Variants in NCEH1 observed in about 807,000 individuals in gnomAD.
NCEH1 encodes 2-acetyl MAGE hydrolase.
Under a neutral mutation model 25.4 loss-of-function variants are expected in NCEH1, and 9 were observed. The ratio of observed to expected loss-of-function variants is 0.35; its 90% CI spans 0.21 to 0.62. NCEH1 has a LOEUF of 0.62. Among genes scored for constraint, NCEH1 ranks in the 20% least tolerant of loss-of-function variants. The probability of loss-of-function intolerance (pLI) is 0.72; values close to 1 mark genes in which losing one functional copy is unlikely to be tolerated. For synonymous variants in NCEH1, 200 were observed against 199.8 expected (o/e 1.00, Z -0.01); for missense variants, 412 against 501.1 (o/e 0.82, Z 1.70).
intron 1 of NCEH1, among the ~76,000 whole-genome samples, chr3:172,654,225 C>A (rs965344992): frequency 6.6e-6 from 1 of 152,224 alleles, no homozygotes; most frequent in African/African-American, 2.4e-5. Flanking sequence ...CCAGCTCCCT[C>A]ACTTACCAGC....
chr3:172,688,111 G>A (rs1712800247), intron 1 of NCEH1, among the ~76,000 whole-genome samples: 1 of 151,956 alleles, frequency 6.6e-6, no homozygotes, highest in South Asian at 2.1e-4. Flanking sequence ...GAGGCAGGTG[G>A]ATCACCTGAG....
intron 1 of NCEH1, 63 bp downstream of exon 1, chr3:172,710,784 T>C (rs1177707980): frequency 3.2e-6 from 5 of 1,577,616 alleles, no homozygotes; most frequent in Non-Finnish European, 4.3e-6. Flanking sequence ...GGAGGAATTT[T>C]GTATCCCCTT....
chr3:172,674,565 ACTT>A (rs972482291), intron 1 of NCEH1, among the ~76,000 whole-genome samples: 6 of 129,006 alleles, frequency 4.7e-5, no homozygotes, highest in African/African-American at 2.3e-4. Flanking sequence ...AAATAGTAGA[ACTT>A]CTTTTTAACG....
At chr3:172,690,207 A>G (rs1297615660) in intron 1 of NCEH1, among the ~76,000 whole-genome samples, 1 of 152,084 alleles carries the variant, frequency 6.6e-6, no homozygotes, top group Non-Finnish European at 1.5e-5. Flanking sequence ...CCAGCCAAGC[A>G]TTTTTTTAAA....
intron 1 of NCEH1, among the ~76,000 whole-genome samples, chr3:172,650,961 T>A (rs916850492): frequency 6.6e-6 from 1 of 151,226 alleles, no homozygotes. Context: ...ATTGATAAAT[T>A]AGAGTTATAC....
chr3:172,670,932 C>T (rs578189307), intron 1 of NCEH1, among the ~76,000 whole-genome samples: 6 of 152,138 alleles, frequency 3.9e-5, no homozygotes, highest in Non-Finnish European at 7.3e-5. Context: ...AGATAAATGA[C>T]TTCCCAGAGA....
intron 1 of NCEH1, among the ~76,000 whole-genome samples, chr3:172,663,125 G>A (rs570930953): frequency 7.2e-5 from 11 of 152,058 alleles, no homozygotes; most frequent in Admixed American, 1.3e-4. Context: ...TCTACACACT[G>A]CTTTAAATGT....
At chr3:172,654,083 T>C (rs1000559338) in intron 1 of NCEH1, among the ~76,000 whole-genome samples, 2 of 151,972 alleles carry the variant, frequency 1.3e-5, no homozygotes, top group African/African-American at 4.8e-5. Context: ...AAAACACCTA[T>C]GGGTAGGTAA....
At position 172,708,960 on chromosome 3, in the gene NCEH1, A is replaced by G. The variant is rs1338360335; in HGVS notation, c.138+1887T>C. ...TAGAATATGTTTCCATCTGATCATA[A>G]TGATCTTTCTGATATTTCACAATTT... On this transcript the variant is annotated intron_variant, in intron 1 of 4. Coordinates refer to ENST00000475381, the MANE Select transcript of NCEH1 (RefSeq NM_020792.6). Among the ~76,000 whole-genome samples, 6 of 152,196 alleles carry G rather than the reference A, an allele frequency of 3.9e-5. No individual in the cohort carries two copies. The East Asian group carries it at 1.2e-3, about 29-fold the overall frequency.
chr3:172,673,548 G>C lies in NCEH1; in HGVS notation c.139-25434C>G, dbSNP rs542068846. Among the ~76,000 whole-genome samples the C allele has an allele frequency of 2.0e-5, 3 of 152,308 alleles. No individual in the cohort carries two copies. The East Asian group carries it at 5.8e-4, about 29-fold the overall frequency. On this transcript the variant is annotated intron_variant, in intron 1 of 4. Coordinates refer to ENST00000475381, the MANE Select transcript of NCEH1 (RefSeq NM_020792.6). Reference sequence around the variant, plus strand: ...GCTCATGCTGCCATTTGAAAGGAAAGGCATTTTCTTAACACTAATATATCT... The same window carrying C: ...GCTCATGCTGCCATTTGAAAGGAAACGCATTTTCTTAACACTAATATATCT...
At chr3:172,635,842 T>G in intron 4 of NCEH1, 74 bp downstream of exon 4, 1 of 1,408,668 alleles carries the variant, frequency 7.1e-7, no homozygotes, top group Non-Finnish European at 9.8e-7. Context: ...CCACACATAA[T>G]GGAGGGTGTG....
intron 1 of NCEH1, among the ~76,000 whole-genome samples, chr3:172,702,013 T>C (rs754907875): frequency 9.9e-5 from 15 of 152,170 alleles, no homozygotes; most frequent in Non-Finnish European, 1.8e-4. Context: ...AACTTTCACA[T>C]ACTGCTGCTT....
chr3:172,689,854 T>C (rs1420800070), intron 1 of NCEH1, among the ~76,000 whole-genome samples: 3 of 151,432 alleles, frequency 2.0e-5, no homozygotes, highest in African/African-American at 7.3e-5. Flanking sequence ...TGGGGGAAAA[T>C]GTTTAACCCC....
intron 3 of NCEH1, 118 bp from the exon 4 acceptor site, chr3:172,636,205 AATT>A: frequency 1.7e-6 from 1 of 572,590 alleles, no homozygotes; most frequent in East Asian, 2.8e-5. Context: ...AATTCAATGG[AATT>A]ATTGTATGAA....
chr3:172,692,586 A>G (rs1204172654), intron 1 of NCEH1, among the ~76,000 whole-genome samples: 1 of 151,888 alleles, frequency 6.6e-6, no homozygotes, highest in Non-Finnish European at 1.5e-5. Context: ...GCTGGTCTCA[A>G]ACTCCTGGGC....
At chr3:172,653,744 G>GTTGTTGCTTTTTTTTTT (rs1717534237) in intron 1 of NCEH1, among the ~76,000 whole-genome samples, 2 of 95,658 alleles carry the variant, frequency 2.1e-5, no homozygotes, top group African/African-American at 8.4e-5. Flanking sequence ...TGTTTTTTTT[G>GTTGTTGCTTTTTTTTTT]TTTTTTTGTT....
intron 1 of NCEH1, among the ~76,000 whole-genome samples, chr3:172,651,270 C>A (rs1277229537): frequency 6.6e-6 from 1 of 152,114 alleles, no homozygotes; most frequent in African/African-American, 2.4e-5. Flanking sequence ...TGGTGTAAAT[C>A]AGTGTGGGTC....
At chr3:172,690,578 C>G (rs1712979251) in intron 1 of NCEH1, among the ~76,000 whole-genome samples, 1 of 152,074 alleles carries the variant, frequency 6.6e-6, no homozygotes, top group Non-Finnish European at 1.5e-5. Flanking sequence ...TAGGAATCTT[C>G]TGAGGGAAAT....
intron 1 of NCEH1, among the ~76,000 whole-genome samples, chr3:172,672,401 T>C (rs1471765380): frequency 6.6e-6 from 1 of 152,178 alleles, no homozygotes; most frequent in African/African-American, 2.4e-5. Flanking sequence ...AGAAGGCCTA[T>C]GGAAAACCAG....
Sources: allele counts gnomAD v4.1 joint callset (sites outside exome capture counted in the v4.1 genomes callset), GRCh38; gene constraint gnomAD v4.1.1; transcripts MANE v1.5; gene names NCBI Gene and HGNC (gene_info 2026-07-23, HGNC 2026-07-21).